The following SRRM3 variants were observed in gnomAD, a reference collection of about 807,000 sequenced individuals.
The protein encoded by SRRM3 is serine/arginine repetitive matrix 3.
A neutral mutation model predicts 66.2 loss-of-function variants in SRRM3; 27 were observed. That is an observed-to-expected ratio of 0.41 (90% CI 0.30 to 0.56). SRRM3 has a LOEUF of 0.56. SRRM3 is among the 20% of genes least tolerant of loss of function. The pLI, the probability that SRRM3 is intolerant of heterozygous loss-of-function variation, is 0.32. For missense variants in SRRM3, 918 were observed against 991.9 expected (o/e 0.93, Z 1.00); for synonymous variants, 391 against 414.9 (o/e 0.94, Z 0.70).
chr7:76,277,746 G>GAAAGAAAAAAAAAAA (rs1554611345), intron 11 of SRRM3, among the ~76,000 whole-genome samples: 3 of 106,772 alleles, frequency 2.8e-5, no homozygotes, highest in Non-Finnish European at 5.6e-5. Flanking sequence ...GAGAGAGAGA[G>GAAAGAAAAAAAAAAA]AAAGAAAGAA....
chr7:76,261,509 C>T (rs1554608762), intron 7 of SRRM3, 37 bp from the exon 8 acceptor site: 1 of 1,608,058 alleles, frequency 6.2e-7, no homozygotes, highest in Non-Finnish European at 8.5e-7. Context: ...TGGGCCACCC[C>T]AGGCAGGCTC....
intron 3 of SRRM3, among the ~76,000 whole-genome samples, chr7:76,254,717 G>A (rs112784586): frequency 6.6e-6 from 1 of 152,160 alleles, no homozygotes; most frequent in African/African-American, 2.4e-5. Flanking sequence ...CGCAATGTGA[G>A]CTTAAGTTTT....
intron 2 of SRRM3, among the ~76,000 whole-genome samples, chr7:76,243,633 A>G (rs1801365426): frequency 6.6e-6 from 1 of 152,108 alleles, no homozygotes; most frequent in Non-Finnish European, 1.5e-5. Context: ...ACCCCCAGGA[A>G]AGGGGGCTTG....
chr7:76,213,300 C>T (rs552370419), intron 1 of SRRM3, among the ~76,000 whole-genome samples: 6 of 152,214 alleles, frequency 3.9e-5, no homozygotes, highest in Admixed American at 1.3e-4. Flanking sequence ...CGTGAGCCAC[C>T]GTGCCCGGCT....
chr7:76,226,507 C>T (rs1361843577), intron 1 of SRRM3, among the ~76,000 whole-genome samples: 1 of 152,216 alleles, frequency 6.6e-6, no homozygotes, highest in East Asian at 1.9e-4. Flanking sequence ...TAAGGGTGGC[C>T]GGTGGGGCCC....
chr7:76,254,310 T>A (rs918281064), intron 3 of SRRM3, among the ~76,000 whole-genome samples: 9 of 151,972 alleles, frequency 5.9e-5, no homozygotes, highest in African/African-American at 2.2e-4. Flanking sequence ...CATGGGCCAC[T>A]GTGCCTGGCT....
At chr7:76,238,304 G>T (rs1801197757) in intron 2 of SRRM3, among the ~76,000 whole-genome samples, 1 of 151,276 alleles carries the variant, frequency 6.6e-6, no homozygotes, top group African/African-American at 2.4e-5. Context: ...CAAACACCAG[G>T]CACCCCTGCT....
intron 11 of SRRM3, among the ~76,000 whole-genome samples, chr7:76,281,210 TTC>T (rs1253584401): frequency 4.0e-5 from 6 of 150,848 alleles, no homozygotes; most frequent in East Asian, 2.0e-4. Flanking sequence ...TCTCTCTTCA[TTC>T]TCTCTCTCCG....
At chr7:76,274,843 C>T (rs1426795684) in intron 11 of SRRM3, among the ~76,000 whole-genome samples, 16 of 152,354 alleles carry the variant, frequency 1.1e-4, no homozygotes, top group Middle Eastern at 3.4e-3. Context: ...CAGTGGCTCA[C>T]GCCTGTAATC....
chr7:76,260,064 G>C, intron 4 of SRRM3, 30 bp downstream of exon 4: 7 of 1,472,424 alleles, frequency 4.8e-6, no homozygotes, highest in Non-Finnish European at 5.4e-6. Context: ...GGGGTGGGGG[G>C]CGCGCGGGGC....
chr7:76,206,832 G>C (rs1181997137), intron 1 of SRRM3, among the ~76,000 whole-genome samples: 1 of 152,222 alleles, frequency 6.6e-6, no homozygotes, highest in Non-Finnish European at 1.5e-5. Flanking sequence ...CCCCGCCCTG[G>C]CCTCCTGCCC....
intron 8 of SRRM3, among the ~76,000 whole-genome samples, chr7:76,263,877 C>CA (rs781852712): frequency 0.017 from 821 of 49,390 alleles, 78 homozygotes; most frequent in African/African-American, 0.024. Flanking sequence ...TGTCTCAAGA[C>CA]AAAAAAAAAA....
At position 76,265,458 on chromosome 7, in the gene SRRM3, T is replaced by C; in HGVS notation, c.820T>C (p.Ser274Pro). Residue 274 changes from serine to proline, a missense_variant, in exon 10 of 15, where the codon TCT (serine) becomes CCT (proline). Transcript: ENST00000611745. ...CTCCTCCCACTACAGTGATTCCAGA[T>C]CTCCCAGCAGGTAGGCCTGGGCCTC... The part of the protein sequence containing the change: ...SLSSHYSDSR[S>P]PSRLSPKHRD... The C allele has an allele frequency of 6.2e-7, 1 of 1,601,468 alleles. No homozygotes were observed. Among genetic ancestry groups the C allele is most frequent in the African/African-American group, 1.3e-5 (1 of 74,258 alleles).
intron 1 of SRRM3, among the ~76,000 whole-genome samples, chr7:76,214,085 G>A (rs1800500591): frequency 6.6e-6 from 1 of 152,002 alleles, no homozygotes; most frequent in African/African-American, 2.4e-5. Context: ...ACCCTCTCTG[G>A]GATTTTAGGG....
chr7:76,250,963 A>AG (rs1554606805), intron 3 of SRRM3, among the ~76,000 whole-genome samples: 1 of 152,160 alleles, frequency 6.6e-6, no homozygotes, highest in Non-Finnish European at 1.5e-5. Context: ...ATGAGCAGAG[A>AG]GGGTGGACCC....
rs1554609940 is a variant in SRRM3, at chr7:76,267,428, C to T, written c.1001C>T (p.Pro334Leu). 7 of 1,363,504 alleles carry T rather than the reference C, an allele frequency of 5.1e-6. No individual in the cohort carries two copies. Among genetic ancestry groups the T allele is most frequent in the Middle Eastern group, 4.8e-4 (2 of 4,168 alleles). 84.5% of individuals were successfully genotyped at this position (1,363,504 alleles called of 1,614,324 possible). The change falls in exon 11 of 15, where the codon CCG (proline) becomes CTG (leucine). Residue 334 changes from proline (P) to leucine (L), a missense_variant. Transcript: ENST00000611745. The stretch of plus-strand genomic sequence containing the variant: ...GGCCGCCCCGGCTCGGCGCACAGCC[C>T]GCCCGATGTACGTACGCTTCGCTTT... The part of the protein sequence containing the change: ...HGGRPGSAHS[P>L]PDKPSSPSPR...
intron 11 of SRRM3, among the ~76,000 whole-genome samples, chr7:76,277,099 G>A (rs1299736044): frequency 1.3e-5 from 2 of 152,212 alleles, no homozygotes; most frequent in African/African-American, 2.4e-5. Context: ...TGGCAGGCCC[G>A]TGACTTGGAG....
At chr7:76,218,958 A>G (rs140570197) in intron 1 of SRRM3, among the ~76,000 whole-genome samples, 2,867 of 151,244 alleles carry the variant, frequency 0.019, 93 homozygotes, top group African/African-American at 0.064. Context: ...AGGTTCAAGC[A>G]ATTCTCCTGC....
intron 3 of SRRM3, 25 bp from the exon 4 acceptor site, chr7:76,259,881 T>C (rs1239197593): frequency 4.4e-6 from 7 of 1,599,420 alleles, no homozygotes; most frequent in Non-Finnish European, 5.9e-6. Context: ...CCGAGACTGG[T>C]GGTGAGCGTC....
Sources: gnomAD v4.1 joint callset for allele counts (sites outside exome capture counted in the v4.1 genomes callset) on GRCh38, gnomAD v4.1.1 for gene constraint, MANE v1.5 for transcripts, NCBI Gene and HGNC (gene_info 2026-07-23, HGNC 2026-07-21) for gene names.